The following NRG3 variants were observed in gnomAD, a reference collection of about 807,000 sequenced individuals.
NRG3 encodes the protein pro-neuregulin-3, membrane-bound isoform.
NRG3 carries 31 observed loss-of-function variants against 66.9 expected under a neutral mutation model. The observed-to-expected ratio is 0.46, with a 90% CI of 0.35 to 0.63. The LOEUF is 0.63. Among genes scored for constraint, NRG3 ranks in the 20% least tolerant of loss-of-function variants. The pLI is 0.00. For synonymous variants in NRG3, 393 were observed against 359.4 expected (o/e 1.09, Z -1.06); for missense variants, 910 against 878.9 (o/e 1.04, Z -0.45).
intron 2 of NRG3, among the ~76,000 whole-genome samples, chr10:82,507,209 T>C (rs761449828): frequency 6.6e-6 from 1 of 152,186 alleles, no homozygotes; most frequent in Non-Finnish European, 1.5e-5. Context: ...CCTAAACTTA[T>C]GCAGCTAATT....
intron 1 of NRG3, among the ~76,000 whole-genome samples, chr10:82,088,347 T>G (rs2065843323): frequency 6.6e-6 from 1 of 152,146 alleles, no homozygotes; most frequent in Admixed American, 6.5e-5. Context: ...TGTTTCTCTT[T>G]GGTACAAGAG....
chr10:82,832,928 A>G (rs2062600241), intron 3 of NRG3, among the ~76,000 whole-genome samples: 1 of 152,026 alleles, frequency 6.6e-6, no homozygotes, highest in South Asian at 2.1e-4. Context: ...CAATCTTCTC[A>G]CAAAGCGAGT....
At chr10:82,401,102 G>T (rs2087067038) in intron 2 of NRG3, among the ~76,000 whole-genome samples, 1 of 152,104 alleles carries the variant, frequency 6.6e-6, no homozygotes, top group Non-Finnish European at 1.5e-5. Context: ...GGGCTTCCTG[G>T]AATGCAGAAT....
intron 1 of NRG3, among the ~76,000 whole-genome samples, chr10:82,144,392 C>T (rs144066353): frequency 1.6e-4 from 24 of 152,248 alleles, no homozygotes; most frequent in African/African-American, 4.8e-4. Flanking sequence ...TGTGCTCGCA[C>T]GTCCCAGGAG....
At chr10:82,088,959 A>G (rs1029548640) in intron 1 of NRG3, among the ~76,000 whole-genome samples, 4 of 151,912 alleles carry the variant, frequency 2.6e-5, no homozygotes, top group African/African-American at 9.7e-5. Context: ...ATCCCTCCCT[A>G]GTGGGTGCTC....
chr10:81,993,937 C>A (rs985115369), intron 1 of NRG3, among the ~76,000 whole-genome samples: 3 of 152,130 alleles, frequency 2.0e-5, no homozygotes, highest in Admixed American at 2.0e-4. Flanking sequence ...AAGATTTCCC[C>A]AGTGCTGTAC....
chr10:81,950,860 G>T (rs1347657627), intron 1 of NRG3, among the ~76,000 whole-genome samples: 1 of 152,010 alleles, frequency 6.6e-6, no homozygotes, highest in Non-Finnish European at 1.5e-5. Flanking sequence ...CCTGGTTTGT[G>T]TGTGTTTTTA....
chr10:82,514,529 G>A (rs891434289), intron 2 of NRG3, among the ~76,000 whole-genome samples: 1 of 152,038 alleles, frequency 6.6e-6, no homozygotes, highest in African/African-American at 2.4e-5. Context: ...TTTATATTCT[G>A]TTCCATTGGT....
chr10:82,043,234 A>G (rs2063123619), intron 1 of NRG3, among the ~76,000 whole-genome samples: 1 of 152,076 alleles, frequency 6.6e-6, no homozygotes, highest in Non-Finnish European at 1.5e-5. Context: ...TCCTGTACAA[A>G]TCTACACTAT....
chr10:82,541,975 A>G (rs532367725), intron 2 of NRG3, among the ~76,000 whole-genome samples: 95 of 152,282 alleles, frequency 6.2e-4, no homozygotes, highest in Admixed American at 1.9e-3. Flanking sequence ...TTATATAGGT[A>G]TACATGTGCC....
At chr10:82,498,799 C>T (rs1361997074) in intron 2 of NRG3, among the ~76,000 whole-genome samples, 1 of 152,138 alleles carries the variant, frequency 6.6e-6, no homozygotes, top group East Asian at 1.9e-4. Flanking sequence ...TCATATGGCA[C>T]TGTGGGGGTT....
chr10:82,295,575 G>A (rs1292351770), intron 1 of NRG3, among the ~76,000 whole-genome samples: 3 of 152,138 alleles, frequency 2.0e-5, no homozygotes, highest in African/African-American at 7.2e-5. Context: ...GGTCTGCCTA[G>A]TTCCCGAAAT....
chr10:82,931,433 C>A (rs945381942), intron 4 of NRG3, among the ~76,000 whole-genome samples: 1 of 152,132 alleles, frequency 6.6e-6, no homozygotes, highest in Non-Finnish European at 1.5e-5. Flanking sequence ...GAGTATATAA[C>A]CTTGGGAAGC....
chr10:82,324,453 C>T (rs931301795), intron 1 of NRG3, among the ~76,000 whole-genome samples: 2 of 151,700 alleles, frequency 1.3e-5, no homozygotes, highest in African/African-American at 2.4e-5. Flanking sequence ...TTTCCTTCTG[C>T]TTATTTTGTG....
chr10:82,573,656 A>G (rs1004365292), intron 2 of NRG3, among the ~76,000 whole-genome samples: 1 of 151,804 alleles, frequency 6.6e-6, no homozygotes, highest in Non-Finnish European at 1.5e-5. Context: ...TGTAGAGATT[A>G]GAAGTATCCA....
chr10:82,818,928 G>A (rs2061832352), intron 3 of NRG3, among the ~76,000 whole-genome samples: 1 of 152,154 alleles, frequency 6.6e-6, no homozygotes. Context: ...GACAGAAAGT[G>A]TTATTGACCT....
rs192253824 is a variant in NRG3 at position 81,961,088 on chromosome 10, C to T, written c.823+84925C>T. On this transcript the variant is annotated intron_variant, in intron 1 of 8. Coordinates refer to ENST00000372141, the MANE Select transcript of NRG3 (RefSeq NM_001010848.4). ...ACTTAATGGACTATAATTTCATCTC[C>T]TTAAGCTCTCTTCAGAATGCTATAA... Among the ~76,000 whole-genome samples, 155 of 152,238 alleles carry T rather than the reference C, an allele frequency of 1.0e-3. 1 individual carries two copies. The East Asian group carries it at 0.021, about 20-fold the overall frequency.
chr10:82,420,739 A>G (rs1050737188), intron 2 of NRG3, among the ~76,000 whole-genome samples: 1 of 152,158 alleles, frequency 6.6e-6, no homozygotes, highest in African/African-American at 2.4e-5. Flanking sequence ...TTAGAAAAGT[A>G]CCATTGCCAA....
At chr10:82,105,870 C>T (rs935497103) in intron 1 of NRG3, among the ~76,000 whole-genome samples, 6 of 152,006 alleles carry the variant, frequency 3.9e-5, no homozygotes, top group South Asian at 2.1e-4. Flanking sequence ...GCAGATATGA[C>T]GCAGTAAAAT....
Sources: allele counts gnomAD v4.1 joint callset (sites outside exome capture counted in the v4.1 genomes callset), GRCh38; gene constraint gnomAD v4.1.1; transcripts MANE v1.5; gene names NCBI Gene and HGNC (gene_info 2026-07-23, HGNC 2026-07-21).